The following UTRN variants were observed in gnomAD, a reference collection of about 807,000 sequenced individuals.
UTRN encodes the protein utrophin.
A neutral mutation model predicts 463.9 loss-of-function variants in UTRN; 283 were observed. The observed-to-expected ratio is 0.61, with a 90% CI of 0.55 to 0.67. The LOEUF (loss-of-function observed/expected upper bound fraction) is 0.67, where lower values mean the gene tolerates loss of function less well. Among genes scored for constraint, UTRN ranks in the 30% least tolerant of loss-of-function variants. UTRN has a pLI of 0.00. For synonymous variants in UTRN, 1,442 were observed against 1,431.5 expected (o/e 1.01, Z -0.17); for missense variants, 3,922 against 4,084.3 (o/e 0.96, Z 1.08).
intron 51 of UTRN, among the ~76,000 whole-genome samples, chr6:144,631,975 G>A (rs1218713932): frequency 6.6e-6 from 1 of 152,144 alleles, no homozygotes; most frequent in Non-Finnish European, 1.5e-5. Flanking sequence ...TTAAGAAAAA[G>A]TCTTTCAGAT....
chr6:144,471,235 G>A (rs1474904056), intron 23 of UTRN, among the ~76,000 whole-genome samples: 1 of 152,000 alleles, frequency 6.6e-6, no homozygotes, highest in Non-Finnish European at 1.5e-5. Flanking sequence ...AGGGAGGAGG[G>A]AAGGCTGTTG....
chr6:144,499,208 G>A (rs1222790321), intron 33 of UTRN, 49 bp from the exon 34 acceptor site: 5 of 1,562,550 alleles, frequency 3.2e-6, no homozygotes, highest in Non-Finnish European at 4.4e-6. Context: ...TCTCATTTAT[G>A]TTCATTCCCA....
intron 51 of UTRN, among the ~76,000 whole-genome samples, chr6:144,628,989 G>A (rs1270913978): frequency 2.6e-5 from 4 of 152,140 alleles, no homozygotes; most frequent in Non-Finnish European, 5.9e-5. Flanking sequence ...TGTTAAATTT[G>A]ATTAATGATT....
intron 51 of UTRN, among the ~76,000 whole-genome samples, chr6:144,592,611 C>T (rs969125981): frequency 6.6e-6 from 1 of 152,068 alleles, no homozygotes; most frequent in African/African-American, 2.4e-5. Flanking sequence ...CCTCGTGATC[C>T]CCCTGCCTCA....
intron 61 of UTRN, among the ~76,000 whole-genome samples, chr6:144,784,484 T>C (rs1233692141): frequency 3.3e-5 from 5 of 152,208 alleles, no homozygotes; most frequent in Non-Finnish European, 5.9e-5. Context: ...ACCAGTCATA[T>C]CAGATTATGA....
chr6:144,432,914 C>T (rs1458592233), intron 9 of UTRN, among the ~76,000 whole-genome samples: 2 of 152,146 alleles, frequency 1.3e-5, no homozygotes, highest in Non-Finnish European at 2.9e-5. Flanking sequence ...CTTCTAGCAT[C>T]TGTTTAACAA....
rs1796256112 is a variant in UTRN, at chr6:144,523,161, T to C, written c.5879T>C (p.Ile1960Thr). 1 of 1,611,172 alleles carries C rather than the reference T, an allele frequency of 6.2e-7. No homozygotes were observed. The highest frequency in any genetic ancestry group is 8.5e-7 in the Non-Finnish European group (1 of 1,178,974). ...LTQLNAKWDR[I>T]NRMYSDRKGC... ...CAGCTGAATGCAAAATGGGACAGAATTAATAGAATGTACAGTGATCGGAAA... is the reference window on the plus strand; with the variant it reads ...CAGCTGAATGCAAAATGGGACAGAACTAATAGAATGTACAGTGATCGGAAA... Residue 1960 changes from isoleucine to threonine, a missense_variant, in exon 41 of 75, where the codon ATT (isoleucine) becomes ACT (threonine). Ile to Thr is a moderately conservative substitution (Grantham distance 89, BLOSUM62 -1). This residue lies in a region of UTRN where 2,349 missense variants were observed against 2,303.8 expected (regional missense o/e 1.02). Coordinates refer to ENST00000367545, the MANE Select transcript of UTRN (RefSeq NM_007124.3).
At chr6:144,763,612 G>C (rs1218602669) in intron 58 of UTRN, among the ~76,000 whole-genome samples, 1 of 152,194 alleles carries the variant, frequency 6.6e-6, no homozygotes, top group African/African-American at 2.4e-5. Context: ...TTGTGCGCCA[G>C]CTTAGGCAAT....
chr6:144,658,084 G>A (rs1779511584), intron 51 of UTRN, among the ~76,000 whole-genome samples: 1 of 152,144 alleles, frequency 6.6e-6, no homozygotes. Context: ...GCTGATGTCA[G>A]TGCTGTTTTG....
intron 25 of UTRN, among the ~76,000 whole-genome samples, chr6:144,475,002 T>G (rs945542956): frequency 2.6e-5 from 4 of 152,242 alleles, no homozygotes; most frequent in African/African-American, 9.6e-5. Flanking sequence ...GAAACACATT[T>G]ATGACACTTG....
chr6:144,772,087 G>A, intron 59 of UTRN, 119 bp downstream of exon 59: 2 of 624,152 alleles, frequency 3.2e-6, no homozygotes, highest in Non-Finnish European at 4.7e-6. Context: ...AGGCTGGAGT[G>A]CAGTGGCATG....
intron 57 of UTRN, among the ~76,000 whole-genome samples, chr6:144,757,236 T>TAAAAAAA (rs375711274): frequency 8.7e-6 from 1 of 115,544 alleles, no homozygotes; most frequent in Non-Finnish European, 1.8e-5. Context: ...ACTAGAATTG[T>TAAAAAAA]AAAAAAAAAA....
chr6:144,780,260 A>C (rs1775703534), intron 60 of UTRN, among the ~76,000 whole-genome samples: 1 of 152,094 alleles, frequency 6.6e-6, no homozygotes, highest in Non-Finnish European at 1.5e-5. Flanking sequence ...TATGTATATA[A>C]CCTTATTTTT....
chr6:144,302,516 A>G (rs140621033), intron 2 of UTRN, among the ~76,000 whole-genome samples: 1,897 of 152,166 alleles, frequency 0.012, 36 homozygotes, highest in Non-Finnish European at 0.018. Flanking sequence ...TCTCAAAAAA[A>G]AAGACTTGCT....
rs1468108464 is a variant in UTRN at position 144,548,832 on chromosome 6, A to G, written c.6788A>G (p.Asn2263Ser). ...ACTGTTGGGGATGTAGAAGAGATCA[A>G]TAAGACCGTTTCCCGAATGAAAGTA... The part of the protein sequence containing the change: ...IVTVGDVEEI[N>S]KTVSRMKITK... Residue 2263 changes from asparagine (N) to serine (S), a missense_variant, in exon 47 of 75, where the codon AAT becomes AGT. Coordinates refer to ENST00000367545, the MANE Select transcript of UTRN (RefSeq NM_007124.3). 5 of 1,613,896 alleles carry G rather than the reference A, an allele frequency of 3.1e-6. No individual in the cohort carries two copies. Among genetic ancestry groups the G allele is most frequent in the Non-Finnish European group, 4.2e-6 (5 of 1,179,926 alleles).
At chr6:144,732,835 C>T (rs1272905411) in intron 54 of UTRN, among the ~76,000 whole-genome samples, 2 of 152,092 alleles carry the variant, frequency 1.3e-5, no homozygotes, top group Admixed American at 6.6e-5. Flanking sequence ...CCCACCTCAG[C>T]CTACTGAGTA....
chr6:144,505,571 G>A (rs1008757136), intron 34 of UTRN, among the ~76,000 whole-genome samples: 20 of 152,188 alleles, frequency 1.3e-4, no homozygotes, highest in African/African-American at 3.6e-4. Flanking sequence ...TTTTGAGTGC[G>A]TTTCTTAATC....
At chr6:144,699,473 G>GTTTTTTTTGTTTTT (rs1784355380) in intron 52 of UTRN, among the ~76,000 whole-genome samples, 1 of 67,600 alleles carries the variant, frequency 1.5e-5, no homozygotes, top group African/African-American at 5.5e-5. Context: ...TTAGTCAGTG[G>GTTTTTTTTGTTTTT]TTTTTTTTTT....
At chr6:144,450,233 C>G (rs1788127265) in intron 17 of UTRN, among the ~76,000 whole-genome samples, 1 of 152,168 alleles carries the variant, frequency 6.6e-6, no homozygotes. Flanking sequence ...TAGAACTCTC[C>G]CTTGGCTCTC....
Sources: allele counts gnomAD v4.1 joint callset (sites outside exome capture counted in the v4.1 genomes callset), GRCh38; gene constraint gnomAD v4.1.1; regional missense constraint gnomAD v4.1.1; transcripts MANE v1.5; gene names NCBI Gene and HGNC (gene_info 2026-07-23, HGNC 2026-07-21).